Variants in TSGA10 observed in about 807,000 individuals in gnomAD.
The protein encoded by TSGA10 is testis specific 10.
TSGA10 carries 43 observed loss-of-function variants against 96.6 expected under a neutral mutation model. That is an observed-to-expected ratio of 0.44 (90% CI 0.35 to 0.57). The LOEUF (loss-of-function observed/expected upper bound fraction) is 0.57, where lower values mean the gene tolerates loss of function less well. Among genes scored for constraint, TSGA10 ranks in the 20% least tolerant of loss-of-function variants. The probability of loss-of-function intolerance (pLI) is 0.01; values close to 1 mark genes in which losing one functional copy is unlikely to be tolerated. For missense variants in TSGA10, 703 were observed against 834.4 expected, an observed-to-expected ratio of 0.84 and a Z score of 1.94; for synonymous variants, 229 against 269.9, an observed-to-expected ratio of 0.85 and a Z score of 1.48.
intron 10 of TSGA10, among the ~76,000 whole-genome samples, chr2:99,083,551 G>A (rs1201910245): frequency 1.3e-5 from 2 of 152,066 alleles, no homozygotes; most frequent in Non-Finnish European, 2.9e-5. Flanking sequence ...ATTTTTAACA[G>A]CCAAAACCTG....
At chr2:99,152,440 C>T (rs1389970697) in intron 1 of TSGA10, among the ~76,000 whole-genome samples, 1 of 152,174 alleles carries the variant, frequency 6.6e-6, no homozygotes, top group African/African-American at 2.4e-5. Flanking sequence ...CATGTGCCAC[C>T]ATACCCAGCA....
chr2:99,044,104 G>A (rs2082485224), intron 16 of TSGA10, among the ~76,000 whole-genome samples: 1 of 152,136 alleles, frequency 6.6e-6, no homozygotes, highest in Non-Finnish European at 1.5e-5. Flanking sequence ...TCAACACTAT[G>A]AAGAAACTTC....
intron 20 of TSGA10, among the ~76,000 whole-genome samples, chr2:99,000,618 C>T (rs1361043319): frequency 6.6e-6 from 1 of 152,140 alleles, no homozygotes; most frequent in African/African-American, 2.4e-5. Flanking sequence ...TTCTGCATTT[C>T]CAAGTGAGGT....
At chr2:99,035,556 A>G (rs1261955598) in intron 16 of TSGA10, 117 bp from the exon 17 acceptor site, 2 of 598,030 alleles carry the variant, frequency 3.3e-6, no homozygotes, top group Non-Finnish European at 5.6e-6. Context: ...GATTGTATGA[A>G]GTTTAAATAA....
At chr2:99,146,369 T>A (rs1050493006) in intron 1 of TSGA10, among the ~76,000 whole-genome samples, 17 of 152,248 alleles carry the variant, frequency 1.1e-4, no homozygotes, top group South Asian at 4.1e-4. Context: ...GTTCTCTTTT[T>A]ATTCCAGCCA....
chr2:99,002,958 C>G (rs1204666251), intron 20 of TSGA10, among the ~76,000 whole-genome samples: 8 of 151,928 alleles, frequency 5.3e-5, no homozygotes, highest in Non-Finnish European at 8.8e-5. Flanking sequence ...CTCCCAGGTT[C>G]AAGCAATTCT....
chr2:99,059,675 T>C (rs1275116807), intron 16 of TSGA10, among the ~76,000 whole-genome samples: 2 of 149,452 alleles, frequency 1.3e-5, no homozygotes, highest in Non-Finnish European at 3.0e-5. Context: ...AGTAAACTTG[T>C]AAGACAAGGG....
intron 17 of TSGA10, among the ~76,000 whole-genome samples, chr2:99,027,627 C>T (rs2080739423): frequency 6.6e-6 from 1 of 151,986 alleles, no homozygotes. Context: ...TCAAATCTGT[C>T]TACATACATA....
intron 20 of TSGA10, among the ~76,000 whole-genome samples, chr2:99,015,838 A>G (rs2079470949): frequency 6.6e-6 from 1 of 152,200 alleles, no homozygotes; most frequent in East Asian, 1.9e-4. Context: ...TAGCACTGCT[A>G]TACACCAACA....
At chr2:99,008,046 A>C (rs1024318779) in intron 20 of TSGA10, among the ~76,000 whole-genome samples, 4 of 152,270 alleles carry the variant, frequency 2.6e-5, no homozygotes, top group Non-Finnish European at 4.4e-5. Context: ...CAAACCATAC[A>C]TAAAATAAAC....
intron 1 of TSGA10, among the ~76,000 whole-genome samples, chr2:99,152,081 A>C (rs768202709): frequency 4.0e-4 from 61 of 152,322 alleles, no homozygotes; most frequent in Non-Finnish European, 6.6e-4. Context: ...AAAATACATA[A>C]ATCATTCATT....
intron 16 of TSGA10, among the ~76,000 whole-genome samples, chr2:99,045,379 G>T (rs1211646769): frequency 2.6e-5 from 4 of 152,144 alleles, no homozygotes; most frequent in Admixed American, 2.0e-4. Context: ...GACTAACAGA[G>T]GATCTCTCGG....
intron 10 of TSGA10, among the ~76,000 whole-genome samples, chr2:99,095,536 T>C (rs1016188515): frequency 6.6e-6 from 1 of 152,282 alleles, no homozygotes; most frequent in Admixed American, 6.5e-5. Context: ...GTATATACTT[T>C]ATACTTAAAA....
At chr2:99,089,266 G>A (rs2104667756) in intron 10 of TSGA10, among the ~76,000 whole-genome samples, 1 of 152,326 alleles carries the variant, frequency 6.6e-6, no homozygotes, top group Non-Finnish European at 1.5e-5. Flanking sequence ...TCAGTCCCCA[G>A]GGAAGCCATC....
intron 16 of TSGA10, among the ~76,000 whole-genome samples, chr2:99,061,772 T>C (rs1272675777): frequency 6.6e-6 from 1 of 152,206 alleles, no homozygotes; most frequent in Non-Finnish European, 1.5e-5. Context: ...TCCAAATTCA[T>C]ACGTTGAACC....
intron 1 of TSGA10, chr2:99,141,956 G>C (rs1421963025): frequency 6.6e-6 from 1 of 152,484 alleles, no homozygotes; most frequent in Non-Finnish European, 1.5e-5. Context: ...GGGCAGCCTG[G>C]AGTCAGGGGA....
At chr2:99,061,265 G>A (rs1210944980) in intron 16 of TSGA10, among the ~76,000 whole-genome samples, 1 of 152,150 alleles carries the variant, frequency 6.6e-6, no homozygotes, top group Admixed American at 6.5e-5. Context: ...CTCATGACCA[G>A]TAAGCATGTG....
chr2:99,018,148 T>C, intron 20 of TSGA10, 52 bp downstream of exon 20: 1 of 1,603,494 alleles, frequency 6.2e-7, no homozygotes, highest in Non-Finnish European at 8.5e-7. Flanking sequence ...ATGTTCACTA[T>C]ACTAGATACT....
At chr2:99,116,701 AG>A (rs2092287370) in intron 4 of TSGA10, among the ~76,000 whole-genome samples, 1 of 152,146 alleles carries the variant, frequency 6.6e-6, no homozygotes, top group Admixed American at 6.5e-5. Flanking sequence ...GAAAAAAAAA[AG>A]ATTGGCAAAT....
Sources: allele counts gnomAD v4.1 joint callset (sites outside exome capture counted in the v4.1 genomes callset), GRCh38; gene constraint gnomAD v4.1.1; transcripts MANE v1.5; gene names NCBI Gene and HGNC (gene_info 2026-07-23, HGNC 2026-07-21).